ANKIB1: variants seen among roughly 807,000 people sequenced by gnomAD.
The protein encoded by ANKIB1 is ankyrin repeat and IBR domain-containing protein 1.
A neutral mutation model predicts 122.1 loss-of-function variants in ANKIB1; 43 were observed. That is an observed-to-expected ratio of 0.35 (90% CI 0.28 to 0.45). The LOEUF is 0.45. ANKIB1 is among the 20% of genes least tolerant of loss of function. The probability of loss-of-function intolerance (pLI) is 1.00; values close to 1 mark genes in which losing one functional copy is unlikely to be tolerated. For synonymous variants in ANKIB1, 390 were observed against 442.0 expected, an observed-to-expected ratio of 0.88 and a Z score of 1.48; for missense variants, 992 against 1,329.5, an observed-to-expected ratio of 0.75 and a Z score of 3.95.
intron 5 of ANKIB1, among the ~76,000 whole-genome samples, chr7:92,330,619 G>A (rs938905653): frequency 6.6e-6 from 1 of 152,064 alleles, no homozygotes; most frequent in African/African-American, 2.4e-5. Context: ...GAGGTGGGCG[G>A]ATCATGAGGT....
chr7:92,326,859 G>A (rs920934071), intron 4 of ANKIB1, among the ~76,000 whole-genome samples: 10 of 151,918 alleles, frequency 6.6e-5, no homozygotes, highest in Admixed American at 3.9e-4. Context: ...GACTGCAGTG[G>A]CTATTCACCG....
chr7:92,291,281 G>A (rs1310070818), intron 1 of ANKIB1, among the ~76,000 whole-genome samples: 4 of 149,700 alleles, frequency 2.7e-5, no homozygotes, highest in African/African-American at 4.9e-5. Context: ...GCAACAGAGC[G>A]AGATCCCGTC....
intron 1 of ANKIB1, among the ~76,000 whole-genome samples, chr7:92,278,206 A>G (rs926012117): frequency 1.3e-5 from 2 of 152,114 alleles, no homozygotes; most frequent in African/African-American, 4.8e-5. Flanking sequence ...AGCTATGATC[A>G]CACCACTGTA....
intron 1 of ANKIB1, among the ~76,000 whole-genome samples, chr7:92,273,810 T>C (rs1459410844): frequency 6.6e-6 from 1 of 151,768 alleles, no homozygotes; most frequent in Non-Finnish European, 1.5e-5. Context: ...AATCACTCTG[T>C]CACCAAGGCT....
chr7:92,278,375 T>G (rs888179241), intron 1 of ANKIB1, among the ~76,000 whole-genome samples: 1 of 152,174 alleles, frequency 6.6e-6, no homozygotes, highest in African/African-American at 2.4e-5. Context: ...AGCAGTCGGT[T>G]TGAGTTCAAA....
At chr7:92,334,998 T>C (rs1803255758) in intron 5 of ANKIB1, among the ~76,000 whole-genome samples, 1 of 151,984 alleles carries the variant, frequency 6.6e-6, no homozygotes, top group Non-Finnish European at 1.5e-5. Context: ...GTACATTTCT[T>C]ATTTAAAGTA....
At chr7:92,342,998 A>T in intron 5 of ANKIB1, 26 bp from the exon 6 acceptor site, 2 of 1,593,654 alleles carry the variant, frequency 1.3e-6, no homozygotes, top group Admixed American at 1.7e-5. Context: ...CTTTTTTGAG[A>T]GCTATCCATT....
At chr7:92,391,396 A>G in intron 16 of ANKIB1, 52 bp downstream of exon 16, 1 of 1,398,204 alleles carries the variant, frequency 7.2e-7, no homozygotes, top group Admixed American at 2.4e-5. Flanking sequence ...CACAAATACC[A>G]GCAGTTTTGT....
chr7:92,320,539 G>A (rs1802885590), intron 4 of ANKIB1, among the ~76,000 whole-genome samples: 1 of 152,166 alleles, frequency 6.6e-6, no homozygotes, highest in South Asian at 2.1e-4. Context: ...TGTCCACTGA[G>A]TTGCTCAAGC....
intron 5 of ANKIB1, among the ~76,000 whole-genome samples, chr7:92,330,048 C>T (rs879169630): frequency 3.3e-5 from 5 of 152,178 alleles, no homozygotes; most frequent in Admixed American, 3.3e-4. Flanking sequence ...TAATCTTTAC[C>T]TAGACTGTCA....
At chr7:92,320,579 A>G (rs974931519) in intron 4 of ANKIB1, among the ~76,000 whole-genome samples, 1 of 152,192 alleles carries the variant, frequency 6.6e-6, no homozygotes, top group African/African-American at 2.4e-5. Context: ...TTGATTCCTC[A>G]CATTTTCTTA....
intron 1 of ANKIB1, among the ~76,000 whole-genome samples, chr7:92,268,346 T>C (rs550001842): frequency 3.3e-5 from 5 of 152,320 alleles, no homozygotes; most frequent in African/African-American, 1.2e-4. Context: ...AATTGGAATA[T>C]AATGGAAGAA....
intron 1 of ANKIB1, among the ~76,000 whole-genome samples, chr7:92,292,580 A>G (rs963532071): frequency 6.6e-6 from 1 of 152,192 alleles, no homozygotes; most frequent in Non-Finnish European, 1.5e-5. Context: ...TATTCTATCA[A>G]GGACCAAAAC....
At chr7:92,331,859 A>G (rs4729028) in intron 5 of ANKIB1, among the ~76,000 whole-genome samples, 16,019 of 152,256 alleles carry the variant, frequency 0.11, 1,020 homozygotes, top group East Asian at 0.36. Context: ...AAAAGTCTCT[A>G]CATTCAGCCA....
chr7:92,396,359 A>T lies in ANKIB1; in HGVS notation c.2284-6A>T, dbSNP rs1313341626. ...TCTTGTATTTTATAACCTTTGGTTT[A>T]TGCAGGAATATGCTGAATTTCAGTA... On this transcript the variant is annotated splice_region_variant and splice_polypyrimidine_tract_variant and intron_variant, in intron 17 of 19. Coordinates refer to ENST00000265742, the MANE Select transcript of ANKIB1 (RefSeq NM_019004.2). 2.0e-6 allele frequency: 3 copies of T among 1,492,278 alleles called. No homozygotes were observed. The highest frequency in any genetic ancestry group is 2.8e-6 in the Non-Finnish European group (3 of 1,082,898). The allele number at this position is 1,492,278 out of a possible 1,614,324, so 92.4% of individuals were successfully genotyped here.
intron 5 of ANKIB1, among the ~76,000 whole-genome samples, chr7:92,333,649 G>A (rs1562784818): frequency 6.6e-6 from 1 of 152,172 alleles, no homozygotes; most frequent in Non-Finnish European, 1.5e-5. Flanking sequence ...CATGGAGACA[G>A]GAAAGGAATT....
chr7:92,269,487 C>G (rs1169898608), intron 1 of ANKIB1, among the ~76,000 whole-genome samples: 1 of 152,196 alleles, frequency 6.6e-6, no homozygotes, highest in Non-Finnish European at 1.5e-5. Flanking sequence ...ACTGATTACT[C>G]AGTAACAGCA....
chr7:92,398,940 T>C lies in ANKIB1; in HGVS notation c.3261T>C (p.His1087=). Residue 1087 remains histidine (H), a synonymous_variant, in exon 20 of 20, where the codon CAT becomes CAC. Transcript: ENST00000265742. ...QTSSDWLEQV[H]LV is the part of the protein sequence containing the mutation. ...CAAGTGACTGGCTTGAACAAGTACA[T>C]TTAGTGTGAACTGCACACATCTGGG... 6.3e-7 allele frequency: 1 copy of C among 1,574,870 alleles called. No individual in the cohort carries two copies. Among genetic ancestry groups the C allele is most frequent in the South Asian group, 1.2e-5 (1 of 82,862 alleles).
At chr7:92,393,173 A>C (rs1034273820) in intron 17 of ANKIB1, among the ~76,000 whole-genome samples, 1 of 152,214 alleles carries the variant, frequency 6.6e-6, no homozygotes, top group East Asian at 1.9e-4. Flanking sequence ...TTATCCAGGC[A>C]TGACTGTGGC....
Sources: allele counts gnomAD v4.1 joint callset (sites outside exome capture counted in the v4.1 genomes callset), GRCh38; gene constraint gnomAD v4.1.1; transcripts MANE v1.5; gene names NCBI Gene and HGNC (gene_info 2026-07-23, HGNC 2026-07-21).